LUZP2: variants seen among roughly 807,000 people sequenced by gnomAD.
LUZP2 encodes leucine zipper protein 2.
Under a neutral mutation model 51.6 loss-of-function variants are expected in LUZP2, and 52 were observed. The observed-to-expected ratio is 1.01, with a 90% confidence interval of 0.81 to 1.27. The LOEUF (loss-of-function observed/expected upper bound fraction) is 1.27. LUZP2 is among the 50% of genes most tolerant of loss of function. The pLI is 0.00. For missense variants in LUZP2, 436 were observed against 395.4 expected (o/e 1.10, Z -0.87); for synonymous variants, 154 against 137.3 (o/e 1.12, Z -0.85).
At chr11:24,735,025 A>G (rs1858879568) in intron 3 of LUZP2, among the ~76,000 whole-genome samples, 2 of 151,926 alleles carry the variant, frequency 1.3e-5, no homozygotes, top group African/African-American at 2.4e-5. Flanking sequence ...AAACCAATCA[A>G]TTAGTGTCTC....
At chr11:24,727,153 A>G (rs889881619) in intron 1 of LUZP2, among the ~76,000 whole-genome samples, 1 of 152,098 alleles carries the variant, frequency 6.6e-6, no homozygotes, top group Non-Finnish European at 1.5e-5. Context: ...GTTATTTGTA[A>G]TTTAATTAAA....
intron 10 of LUZP2, among the ~76,000 whole-genome samples, chr11:25,058,881 T>G (rs1168364509): frequency 6.6e-6 from 1 of 152,226 alleles, no homozygotes; most frequent in Non-Finnish European, 1.5e-5. Context: ...ACTAAAACAT[T>G]GTTCTGTAAT....
At chr11:24,892,271 T>A in intron 5 of LUZP2, 3 of 985,442 alleles carry the variant, frequency 3.0e-6, no homozygotes, top group Non-Finnish European at 3.6e-6. Context: ...AACTGGACCA[T>A]CTGCTATAGG....
chr11:24,727,228 T>A (rs2133962608), intron 1 of LUZP2, among the ~76,000 whole-genome samples: 1 of 152,190 alleles, frequency 6.6e-6, no homozygotes, highest in Middle Eastern at 3.4e-3. Context: ...CAATATACAG[T>A]AAGTTCTTGA....
At chr11:24,574,235 TCTTTCTTTCTTTCTTTCTTTCTTTCTTG>T in intron 1 of LUZP2, among the ~76,000 whole-genome samples, 1 of 1,824 alleles carries the variant, frequency 5.5e-4, no homozygotes, top group East Asian at 0.038. Context: ...TTTCTTTCTT[TCTTTCTTTCTTTCTTTCTTTCTTTCTTG>T]CTTTCTTTCT....
intron 1 of LUZP2, among the ~76,000 whole-genome samples, chr11:24,666,449 G>A (rs907827235): frequency 2.6e-5 from 4 of 152,122 alleles, no homozygotes; most frequent in African/African-American, 9.7e-5. Context: ...ATTTATATTG[G>A]AGAAGTGAAA....
At position 24,885,214 on chromosome 11, in the gene LUZP2, C is replaced by T. The variant is rs369015093; in HGVS notation, c.397-20777C>T. ...CCTTATAAATTGTGATGTCAAAGCC[C>T]TCAACCTTCTTGGAAAGTTGTCCTA... On this transcript the variant is annotated intron_variant, in intron 5 of 11. Coordinates refer to ENST00000336930, the MANE Select transcript of LUZP2 (RefSeq NM_001009909.4). Among the ~76,000 whole-genome samples the T allele has an allele frequency of 5.9e-5, 9 of 152,154 alleles. No homozygotes were observed. In the East Asian group the frequency reaches 1.4e-3, roughly 23 times the overall value.
At position 24,845,656 on chromosome 11, in the gene LUZP2, G is replaced by A. The variant is rs552924316; in HGVS notation, c.397-60335G>A. ...AGTGGGACATGATTGAATTATGGGG[G>A]TGGGTCTTTCCTACACTCTTCTTGT... is the stretch of plus-strand genomic sequence containing the variant. On this transcript the variant is annotated intron_variant, in intron 5 of 11. Coordinates refer to ENST00000336930, the MANE Select transcript of LUZP2 (RefSeq NM_001009909.4). Among the ~76,000 whole-genome samples, 66 of 152,286 alleles carry A rather than the reference G, an allele frequency of 4.3e-4. No individual in the cohort carries two copies. The Middle Eastern group carries it at 0.01, about 24-fold the overall frequency.
intron 10 of LUZP2, among the ~76,000 whole-genome samples, chr11:25,072,886 A>G (rs567852949): frequency 9.2e-5 from 14 of 152,232 alleles, no homozygotes; most frequent in African/African-American, 3.1e-4. Context: ...TTCTTTCCAA[A>G]GCAAAACATG....
intron 5 of LUZP2, among the ~76,000 whole-genome samples, chr11:24,905,671 G>A (rs1040931093): frequency 2.0e-5 from 3 of 152,072 alleles, no homozygotes; most frequent in Non-Finnish European, 2.9e-5. Flanking sequence ...ATTTTAGGAC[G>A]CAAACACCCA....
intron 5 of LUZP2, among the ~76,000 whole-genome samples, chr11:24,844,145 T>G (rs1027097644): frequency 6.6e-6 from 1 of 152,176 alleles, no homozygotes; most frequent in Non-Finnish European, 1.5e-5. Context: ...TGGGAAAGTT[T>G]GAAACTCCAT....
chr11:24,870,583 C>T (rs1185987106), intron 5 of LUZP2, among the ~76,000 whole-genome samples: 3 of 151,864 alleles, frequency 2.0e-5, no homozygotes, highest in Non-Finnish European at 2.9e-5. Context: ...ATGTGTAATT[C>T]CCAGGTTTTA....
At chr11:24,711,450 A>AAAATAAATAAATAAATAAAT (rs200424558) in intron 1 of LUZP2, among the ~76,000 whole-genome samples, 3 of 143,042 alleles carry the variant, frequency 2.1e-5, no homozygotes, top group Non-Finnish European at 4.5e-5. Context: ...ACTCCATCTC[A>AAAATAAATAAATAAATAAAT]AAATAAATAA....
intron 1 of LUZP2, among the ~76,000 whole-genome samples, chr11:24,676,916 C>T (rs1239300695): frequency 6.6e-6 from 1 of 152,110 alleles, no homozygotes; most frequent in Non-Finnish European, 1.5e-5. Context: ...ATCAGCCCTC[C>T]TAGGCCTCCA....
At chr11:25,019,496 T>G (rs925037442) in intron 9 of LUZP2, among the ~76,000 whole-genome samples, 1 of 152,124 alleles carries the variant, frequency 6.6e-6, no homozygotes, top group Non-Finnish European at 1.5e-5. Flanking sequence ...TTATGAATTT[T>G]TAATTATTAT....
In LUZP2 at chr11:24,914,496, G is replaced by A. The variant is rs144609238; in HGVS notation, c.480G>A (p.Gln160=). The change falls in exon 7 of 12, where the codon CAG becomes CAA. Residue 160 remains glutamine, a synonymous_variant. Transcript: ENST00000336930. ...TACAGTCAAAAAAAATCCAAGCCCA[G>A]CTGAAGGAGCTTCGTTATGGGAAGA... ...HAEESKKIQA[Q]LKELRYGKKD... 1.5e-4 allele frequency: 247 copies of A among 1,609,432 alleles called. No homozygotes were observed. The highest frequency in any genetic ancestry group is 2.0e-4 in the Non-Finnish European group (237 of 1,178,544).
At chr11:24,696,916 G>A (rs1404756863) in intron 1 of LUZP2, among the ~76,000 whole-genome samples, 1 of 151,972 alleles carries the variant, frequency 6.6e-6, no homozygotes, top group African/African-American at 2.4e-5. Flanking sequence ...CATGGATGAA[G>A]AAAATCATTT....
intron 1 of LUZP2, among the ~76,000 whole-genome samples, chr11:24,645,101 G>C (rs1389642188): frequency 6.6e-6 from 1 of 152,066 alleles, no homozygotes; most frequent in African/African-American, 2.4e-5. Context: ...TTATTGTGCA[G>C]CCTTCTGGCA....
chr11:24,912,677 G>A (rs1853672605), intron 6 of LUZP2, among the ~76,000 whole-genome samples: 1 of 152,062 alleles, frequency 6.6e-6, no homozygotes, highest in South Asian at 2.1e-4. Context: ...TGGTATGCTG[G>A]TGTGCGCCTG....
Sources: allele counts gnomAD v4.1 joint callset (sites outside exome capture counted in the v4.1 genomes callset), GRCh38; gene constraint gnomAD v4.1.1; transcripts MANE v1.5; gene names NCBI Gene and HGNC (gene_info 2026-07-23, HGNC 2026-07-21).